The following BORCS5 variants were observed in gnomAD, a reference collection of about 807,000 sequenced individuals.
The protein encoded by BORCS5 is BLOC-1 related complex subunit 5.
BORCS5 carries 17 observed loss-of-function variants against 22.1 expected under a neutral mutation model. The observed-to-expected ratio is 0.77, with a 90% CI of 0.53 to 1.15. BORCS5 has a LOEUF of 1.15. BORCS5 is among the 50% of genes most tolerant of loss of function. BORCS5 has a pLI of 0.00. For synonymous variants in BORCS5, 117 were observed against 99.8 expected (o/e 1.17, Z -1.03); for missense variants, 247 against 253.2 (o/e 0.98, Z 0.17).
intron 2 of BORCS5, among the ~76,000 whole-genome samples, chr12:12,385,514 C>CT (rs568909483): frequency 0.16 from 23,536 of 143,350 alleles, 3,959 homozygotes; most frequent in African/African-American, 0.42. Context: ...TACCCAAGTT[C>CT]TTTTTTTTTT....
intron 2 of BORCS5, among the ~76,000 whole-genome samples, chr12:12,372,984 T>C (rs78355929): frequency 0.018 from 2,743 of 152,254 alleles, 110 homozygotes; most frequent in East Asian, 0.16. Flanking sequence ...TGATGTCCAT[T>C]CTGCTATGGA....
At chr12:12,357,644 A>T in intron 1 of BORCS5, 135 bp downstream of exon 1, 1 of 897,970 alleles carries the variant, frequency 1.1e-6, no homozygotes, top group East Asian at 3.1e-5. Flanking sequence ...AGGAAAAAAA[A>T]AAAGTCACCA....
intron 3 of BORCS5, among the ~76,000 whole-genome samples, chr12:12,451,936 A>AAG (rs1555157752): frequency 6.6e-6 from 1 of 151,662 alleles, no homozygotes; most frequent in Non-Finnish European, 1.5e-5. Context: ...AATTAAAAAA[A>AAG]AAAAAAAAAG....
chr12:12,361,095 A>G, intron 1 of BORCS5, 111 bp from the exon 2 acceptor site: 1 of 1,092,138 alleles, frequency 9.2e-7, no homozygotes, highest in Admixed American at 2.1e-5. Context: ...CCCAACTGCA[A>G]GATAGCTACA....
chr12:12,406,758 G>T (rs1941605469), intron 2 of BORCS5, among the ~76,000 whole-genome samples: 1 of 151,350 alleles, frequency 6.6e-6, no homozygotes, highest in African/African-American at 2.4e-5. Flanking sequence ...TTTCTAACCT[G>T]TGTATACTTC....
At chr12:12,371,453 A>T (rs183078694) in intron 2 of BORCS5, among the ~76,000 whole-genome samples, 139 of 152,124 alleles carry the variant, frequency 9.1e-4, no homozygotes, top group South Asian at 2.1e-3. Flanking sequence ...CACCACGCCC[A>T]ACTAATCTTT....
chr12:12,465,172 A>G (rs947944694), intron 3 of BORCS5, among the ~76,000 whole-genome samples: 6 of 152,274 alleles, frequency 3.9e-5, no homozygotes, highest in African/African-American at 1.2e-4. Flanking sequence ...AACCTGAGAC[A>G]CAAAGGATAA....
intron 2 of BORCS5, among the ~76,000 whole-genome samples, chr12:12,364,417 T>C (rs897587616): frequency 1.3e-5 from 2 of 152,078 alleles, no homozygotes; most frequent in African/African-American, 4.8e-5. Flanking sequence ...AACTATTCAT[T>C]AAGTGGAAGT....
intron 2 of BORCS5, among the ~76,000 whole-genome samples, chr12:12,406,475 T>C (rs2136079526): frequency 6.6e-6 from 1 of 152,182 alleles, no homozygotes; most frequent in East Asian, 1.9e-4. Context: ...AAGGAACCCA[T>C]GATGAGTTAA....
At chr12:12,454,253 C>G (rs773933339) in intron 3 of BORCS5, among the ~76,000 whole-genome samples, 3 of 152,208 alleles carry the variant, frequency 2.0e-5, no homozygotes, top group Non-Finnish European at 4.4e-5. Context: ...GAGAAACGGC[C>G]AAACTGCTCT....
chr12:12,446,407 G>T (rs1024966323), intron 3 of BORCS5, among the ~76,000 whole-genome samples: 2 of 152,140 alleles, frequency 1.3e-5, no homozygotes, highest in Non-Finnish European at 2.9e-5. Context: ...TTATAACTCT[G>T]TCTAGATCTG....
rs1338431577 is a variant in BORCS5 at position 12,470,901 on chromosome 12, A to G, written c.*5125A>G. ...TCAATGTCAGTGTAAGATCTGATGG[A>G]ATTTACCGTTGACTCAATTTTCTTC... On this transcript the variant is annotated 3_prime_UTR_variant, in exon 4 of 4. Transcript: ENST00000314565. Among the ~76,000 whole-genome samples, 1 of 152,032 alleles carries G rather than the reference A, an allele frequency of 6.6e-6. No homozygotes were observed. Among genetic ancestry groups the G allele is most frequent in the African/African-American group, 2.4e-5 (1 of 41,384 alleles).
chr12:12,439,925 G>A (rs765761788), intron 3 of BORCS5, among the ~76,000 whole-genome samples: 4 of 152,206 alleles, frequency 2.6e-5, no homozygotes, highest in African/African-American at 7.2e-5. Flanking sequence ...AGCAGAGGAT[G>A]TCATTTTGAT....
intron 2 of BORCS5, among the ~76,000 whole-genome samples, chr12:12,373,686 A>C (rs903154472): frequency 1.3e-5 from 2 of 152,200 alleles, no homozygotes; most frequent in African/African-American, 4.8e-5. Flanking sequence ...ATTGATAAGC[A>C]CCTGCTAAGT....
chr12:12,418,612 A>G (rs904002811), intron 2 of BORCS5, among the ~76,000 whole-genome samples: 1 of 152,208 alleles, frequency 6.6e-6, no homozygotes, highest in Non-Finnish European at 1.5e-5. Context: ...GTTTGAGCCC[A>G]GGAATTCGAA....
intron 3 of BORCS5, among the ~76,000 whole-genome samples, chr12:12,445,119 C>T (rs576423552): frequency 9.9e-5 from 15 of 152,284 alleles, no homozygotes; most frequent in African/African-American, 2.2e-4. Flanking sequence ...TCATAGCTTC[C>T]GGTAGCCTCA....
intron 2 of BORCS5, among the ~76,000 whole-genome samples, chr12:12,391,249 A>AC (rs569474398): frequency 2.9e-4 from 44 of 152,056 alleles, no homozygotes; most frequent in Non-Finnish European, 5.6e-4. Context: ...TTAGCAAAGG[A>AC]CCCTATACAT....
At chr12:12,416,259 T>C (rs925232149) in intron 2 of BORCS5, among the ~76,000 whole-genome samples, 2 of 152,096 alleles carry the variant, frequency 1.3e-5, no homozygotes, top group African/African-American at 4.8e-5. Flanking sequence ...TTTGTTTATC[T>C]TTTTAAAGAA....
intron 2 of BORCS5, among the ~76,000 whole-genome samples, chr12:12,365,481 G>A (rs1322869292): frequency 3.3e-5 from 5 of 151,496 alleles, no homozygotes; most frequent in African/African-American, 7.3e-5. Context: ...TGCCCGGCCC[G>A]AGTTTCAAAA....
Sources: gnomAD v4.1 joint callset for allele counts (sites outside exome capture counted in the v4.1 genomes callset) on GRCh38, gnomAD v4.1.1 for gene constraint, MANE v1.5 for transcripts, NCBI Gene and HGNC (gene_info 2026-07-23, HGNC 2026-07-21) for gene names.